SEC63: variants seen among roughly 807,000 people sequenced by gnomAD.
SEC63 encodes SEC63 protein translocation regulator.
In SEC63, 56 loss-of-function variants were observed where a neutral mutation model predicts 116.2. The observed-to-expected ratio is 0.48, with a 90% CI of 0.39 to 0.60. The LOEUF (loss-of-function observed/expected upper bound fraction) is 0.60, where lower values mean the gene tolerates loss of function less well. SEC63 is among the 20% of genes least tolerant of loss of function. SEC63 has a pLI of 0.00. For missense variants in SEC63, 668 were observed against 900.0 expected (o/e 0.74, Z 3.30); for synonymous variants, 273 against 294.6 (o/e 0.93, Z 0.75).
chr6:107,898,709 TAAATAA>T (rs1786923833), intron 13 of SEC63, among the ~76,000 whole-genome samples: 1 of 152,114 alleles, frequency 6.6e-6, no homozygotes, highest in African/African-American at 2.4e-5. Flanking sequence ...TAAAACAAAA[TAAATAA>T]AAATAAAATA....
At chr6:107,876,538 CTGA>C in intron 19 of SEC63, 23 bp downstream of exon 19, 2 of 1,377,382 alleles carry the variant, frequency 1.5e-6, no homozygotes, top group Non-Finnish European at 2.1e-6. Flanking sequence ...TTGTTAAACA[CTGA>C]AATCATGTTG....
intron 16 of SEC63, among the ~76,000 whole-genome samples, chr6:107,892,193 T>G (rs1419037070): frequency 6.6e-6 from 1 of 152,126 alleles, no homozygotes; most frequent in African/African-American, 2.4e-5. Context: ...GAGGTGGGGT[T>G]TTATCTATAA....
chr6:107,904,583 G>A, intron 11 of SEC63, 46 bp downstream of exon 11: 1 of 1,449,390 alleles, frequency 6.9e-7, no homozygotes, highest in Non-Finnish European at 9.7e-7. Context: ...ATCTGCATAT[G>A]CTTGCAAGAA....
intron 4 of SEC63, among the ~76,000 whole-genome samples, chr6:107,916,067 G>A (rs1787393593): frequency 6.6e-6 from 1 of 151,204 alleles, no homozygotes; most frequent in South Asian, 2.1e-4. Flanking sequence ...CCAGAAATCT[G>A]AGAACAAAAT....
intron 1 of SEC63, among the ~76,000 whole-genome samples, chr6:107,947,223 G>A (rs946880754): frequency 1.3e-5 from 2 of 152,028 alleles, no homozygotes; most frequent in Non-Finnish European, 2.9e-5. Context: ...CTTGAGCCTG[G>A]GAGGCAGAGG....
chr6:107,885,114 T>A (rs1182463743), intron 16 of SEC63, among the ~76,000 whole-genome samples: 1 of 152,094 alleles, frequency 6.6e-6, no homozygotes, highest in Non-Finnish European at 1.5e-5. Context: ...TAAGACAAGG[T>A]TCCTACTATC....
At chr6:107,877,598 G>A (rs546598958) in intron 18 of SEC63, among the ~76,000 whole-genome samples, 125 of 152,026 alleles carry the variant, frequency 8.2e-4, no homozygotes, top group Non-Finnish European at 1.4e-3. Context: ...CATGCACCAC[G>A]TCTGGCTAAT....
chr6:107,933,934 G>C (rs1428904935), intron 1 of SEC63, among the ~76,000 whole-genome samples: 2 of 152,236 alleles, frequency 1.3e-5, no homozygotes, highest in Non-Finnish European at 2.9e-5. Flanking sequence ...TGTTGGCCGG[G>C]CTGGTCTCCA....
At chr6:107,953,698 G>A (rs1255043351) in intron 1 of SEC63, among the ~76,000 whole-genome samples, 1 of 119,666 alleles carries the variant, frequency 8.4e-6, no homozygotes, top group Non-Finnish European at 1.8e-5. Flanking sequence ...GAGGGAGGTG[G>A]GGGGTCAGCC....
At chr6:107,940,486 G>C (rs990949810) in intron 1 of SEC63, among the ~76,000 whole-genome samples, 1 of 152,010 alleles carries the variant, frequency 6.6e-6, no homozygotes, top group African/African-American at 2.4e-5. Flanking sequence ...GTGCATTTTA[G>C]GATGTTTAGC....
chr6:107,958,088 C>G lies in SEC63; in HGVS notation c.-79G>C. 6.3e-7 allele frequency: 1 copy of G among 1,589,474 alleles called. No homozygotes were observed. Among genetic ancestry groups the G allele is most frequent in the Non-Finnish European group, 8.6e-7 (1 of 1,166,148 alleles). ...TGCACTCCCGCTCCCAACGCCCCGG[C>G]CCGAGTGGCGTAGCTTGGACACTGC... is the stretch of plus-strand genomic sequence containing the variant. On this transcript the variant is annotated 5_prime_UTR_variant, in exon 1 of 21. Coordinates refer to ENST00000369002, the MANE Select transcript of SEC63 (RefSeq NM_007214.5).
chr6:107,937,824 T>TA (rs905340674), intron 1 of SEC63, among the ~76,000 whole-genome samples: 50 of 151,068 alleles, frequency 3.3e-4, no homozygotes, highest in African/African-American at 2.7e-4. Flanking sequence ...CTTGGCCACT[T>TA]AAAAAAAAAA....
At chr6:107,927,318 G>C (rs1011979870) in intron 2 of SEC63, among the ~76,000 whole-genome samples, 1 of 151,926 alleles carries the variant, frequency 6.6e-6, no homozygotes, top group Non-Finnish European at 1.5e-5. Context: ...CGCCCACCTC[G>C]GCCTCCCAAA....
chr6:107,883,642 T>TA (rs575683979), intron 16 of SEC63, among the ~76,000 whole-genome samples: 1 of 146,402 alleles, frequency 6.8e-6, no homozygotes, highest in African/African-American at 2.5e-5. Context: ...AAAAAAAAAA[T>TA]TATATATATA....
At chr6:107,878,286 A>T (rs1786327427) in intron 18 of SEC63, among the ~76,000 whole-genome samples, 2 of 152,378 alleles carry the variant, frequency 1.3e-5, no homozygotes, top group South Asian at 4.1e-4. Flanking sequence ...GCCATGTTGT[A>T]AAGATGATCT....
chr6:107,913,895 A>C lies in SEC63; in HGVS notation c.453-468T>G, dbSNP rs932681335. ...ATTCATAATGGTAGCTTCCCCACAA[A>C]ACAATAGCACCACATTCTGAAAGAA... On this transcript the variant is annotated intron_variant, in intron 4 of 20. Coordinates refer to ENST00000369002, the MANE Select transcript of SEC63 (RefSeq NM_007214.5). Among the ~76,000 whole-genome samples, 5 of 152,182 alleles carry C rather than the reference A, an allele frequency of 3.3e-5. No homozygotes were observed. The East Asian group carries it at 9.6e-4, about 29-fold the overall frequency.
intron 1 of SEC63, among the ~76,000 whole-genome samples, chr6:107,954,279 AAG>A (rs1770657567): frequency 1.3e-5 from 2 of 151,598 alleles, no homozygotes; most frequent in South Asian, 4.2e-4. Context: ...CATGCTCGTT[AAG>A]AGTCATCACC....
chr6:107,957,946 A>G lies in SEC63; in HGVS notation c.64T>C (p.Phe22Leu). ...GCCGGGATCACGATGAGCCCCACGA[A>G]GGAGGTGAGGAAGTAGAAGAAGGTG... The part of the protein sequence containing the change: ...GNTFFYFLTS[F>L]VGLIVIPATY... The change falls in exon 1 of 21, where the codon TTC (phenylalanine) becomes CTC (leucine). Residue 22 changes from phenylalanine (F) to leucine (L), a missense_variant. Phe to Leu is a conservative substitution (Grantham distance 22, BLOSUM62 0). Transcript: ENST00000369002. 11 of 1,613,434 alleles carry G rather than the reference A, an allele frequency of 6.8e-6. No homozygotes were observed. The highest frequency in any genetic ancestry group is 9.3e-6 in the Non-Finnish European group (11 of 1,179,588).
intron 14 of SEC63, among the ~76,000 whole-genome samples, chr6:107,895,860 T>TA (rs759171759): frequency 0.74 from 75,952 of 103,292 alleles, 29,892 homozygotes; most frequent in South Asian, 0.87. Context: ...GCACCTCTAT[T>TA]AAAAAAAAAA....
Sources: allele counts gnomAD v4.1 joint callset (sites outside exome capture counted in the v4.1 genomes callset), GRCh38; gene constraint gnomAD v4.1.1; transcripts MANE v1.5; gene names NCBI Gene and HGNC (gene_info 2026-07-23, HGNC 2026-07-21).